USP37: variants seen among roughly 807,000 people sequenced by gnomAD.
The protein encoded by USP37 is ubiquitin specific peptidase 37.
In USP37, 27 loss-of-function variants were observed where a neutral mutation model predicts 124.0. The observed-to-expected ratio is 0.22, with a 90% CI of 0.16 to 0.30. The LOEUF is 0.30. USP37 is among the 10% of genes least tolerant of loss of function. The pLI is 1.00. For synonymous variants in USP37, 365 were observed against 388.0 expected, an observed-to-expected ratio of 0.94 and a Z score of 0.70; for missense variants, 889 against 1,140.4, an observed-to-expected ratio of 0.78 and a Z score of 3.17.
In USP37 at chr2:218,547,020, A is replaced by G; in HGVS notation, c.501T>C (p.Gly167=). ...IPFRKVLGNP[G]RGSIKTVAGS... is the part of the protein sequence containing the mutation. ...CTGCTACAGTCTTAATCGATCCTCT[A>G]CCCGGATTACCAAGAACTTTTCGAA... The change falls in exon 7 of 26, where the codon GGT becomes GGC. Residue 167 remains glycine (G), a synonymous_variant. Coordinates refer to ENST00000258399, the MANE Select transcript of USP37 (RefSeq NM_020935.3). 1 of 1,612,734 alleles carries G rather than the reference A, an allele frequency of 6.2e-7. No homozygotes were observed. Among genetic ancestry groups the G allele is most frequent in the Non-Finnish European group, 8.5e-7 (1 of 1,179,718 alleles).
intron 14 of USP37, among the ~76,000 whole-genome samples, chr2:218,490,394 T>C (rs796976745): frequency 3.9e-5 from 6 of 152,338 alleles, no homozygotes; most frequent in African/African-American, 1.4e-4. Flanking sequence ...ATACTTCTAT[T>C]AGGCAGCAGA....
chr2:218,481,725 C>A (rs1258443892), intron 17 of USP37, among the ~76,000 whole-genome samples: 1 of 149,748 alleles, frequency 6.7e-6, no homozygotes, highest in Non-Finnish European at 1.5e-5. Flanking sequence ...CTCTGATCAC[C>A]ATTCACTGCA....
chr2:218,466,290 G>T, intron 20 of USP37, 114 bp from the exon 21 acceptor site: 1 of 1,183,248 alleles, frequency 8.5e-7, no homozygotes, highest in Non-Finnish European at 1.2e-6. Flanking sequence ...TCTATAATTT[G>T]CTTAGGACAT....
chr2:218,477,699 CAG>C (rs144340205), intron 18 of USP37, among the ~76,000 whole-genome samples: 403 of 152,298 alleles, frequency 2.6e-3, no homozygotes, highest in African/African-American at 9.3e-3. Context: ...TATTGAAACA[CAG>C]TGCAATAATT....
intron 15 of USP37, among the ~76,000 whole-genome samples, 184 bp downstream of exon 15, chr2:218,488,120 G>A (rs1251131910): frequency 6.9e-6 from 1 of 145,110 alleles, no homozygotes; most frequent in Non-Finnish European, 1.5e-5. Context: ...AGGTTGCAGT[G>A]AGCTGAGATT....
At chr2:218,539,730 G>A (rs1691871149) in intron 8 of USP37, among the ~76,000 whole-genome samples, 1 of 151,976 alleles carries the variant, frequency 6.6e-6, no homozygotes, top group Admixed American at 6.6e-5. Flanking sequence ...TAAAAAACCT[G>A]GCCGGGCGCA....
intron 11 of USP37, among the ~76,000 whole-genome samples, chr2:218,508,698 C>T (rs1201617235): frequency 2.6e-5 from 4 of 152,072 alleles, no homozygotes; most frequent in African/African-American, 9.7e-5. Flanking sequence ...GGAAATTAAG[C>T]ATTTGACTGG....
intron 1 of USP37, among the ~76,000 whole-genome samples, chr2:218,567,412 A>G (rs1038198075): frequency 3.3e-5 from 5 of 152,146 alleles, no homozygotes; most frequent in African/African-American, 7.2e-5. Context: ...TTCAATTACT[A>G]TCAATATGGC....
intron 9 of USP37, among the ~76,000 whole-genome samples, chr2:218,531,933 AAAG>A (rs1691348841): frequency 6.6e-6 from 1 of 152,262 alleles, no homozygotes; most frequent in Admixed American, 6.5e-5. Context: ...ATGAGCAAAG[AAAG>A]AAGTCTCCTG....
chr2:218,514,952 T>C (rs1014028296), intron 10 of USP37, among the ~76,000 whole-genome samples: 25 of 152,194 alleles, frequency 1.6e-4, no homozygotes, highest in Non-Finnish European at 3.1e-4. Context: ...GTTTGGGCCA[T>C]TGGTAACCCT....
chr2:218,452,208 G>A lies in USP37; in HGVS notation c.*2722C>T, dbSNP rs1224710276. On this transcript the variant is annotated 3_prime_UTR_variant, in exon 26 of 26. Coordinates refer to ENST00000258399, the MANE Select transcript of USP37 (RefSeq NM_020935.3). ...CCAATTCAATGTCATTTAAAGTAAT[G>A]TAACCACACATTTGGTATTTTCAAT... 2 of 152,030 alleles carry A rather than the reference G, an allele frequency of 1.3e-5. No homozygotes were observed. Among genetic ancestry groups the A allele is most frequent in the African/African-American group, 4.8e-5 (2 of 41,386 alleles). The allele number at this position is 152,030 out of a possible 1,614,324, so 9.4% of individuals were successfully genotyped here. A position where few individuals can be genotyped will look rare whatever the true frequency, so the allele number is the denominator to read the frequency against.
chr2:218,467,381 C>T (rs1346981414), intron 20 of USP37, among the ~76,000 whole-genome samples: 1 of 151,372 alleles, frequency 6.6e-6, no homozygotes, highest in Non-Finnish European at 1.5e-5. Flanking sequence ...TGGAGTTTCG[C>T]TCTGTTGCTC....
chr2:218,528,734 G>A (rs982418507), intron 10 of USP37: 35 of 377,688 alleles, frequency 9.3e-5, no homozygotes, highest in African/African-American at 7.6e-4. Context: ...CTTCTGTGCT[G>A]CACTGCATGA....
At chr2:218,535,249 A>C (rs1375244377) in intron 8 of USP37, among the ~76,000 whole-genome samples, 1 of 151,730 alleles carries the variant, frequency 6.6e-6, no homozygotes, top group African/African-American at 2.4e-5. Flanking sequence ...CTGTAGTCCC[A>C]GCTACTCGGG....
intron 22 of USP37, among the ~76,000 whole-genome samples, chr2:218,462,929 G>A (rs1185885370): frequency 6.6e-6 from 1 of 152,166 alleles, no homozygotes; most frequent in South Asian, 2.1e-4. Context: ...CACTTTGGGA[G>A]GCTGAGGAGG....
At chr2:218,498,980 TA>T (rs766359956) in intron 11 of USP37, among the ~76,000 whole-genome samples, 23 of 152,164 alleles carry the variant, frequency 1.5e-4, no homozygotes, top group Non-Finnish European at 2.9e-4. Context: ...AAATATATTT[TA>T]AAAACTTTTT....
At chr2:218,541,082 T>C (rs2106036792) in intron 8 of USP37, among the ~76,000 whole-genome samples, 1 of 152,246 alleles carries the variant, frequency 6.6e-6, no homozygotes, top group East Asian at 1.9e-4. Context: ...AATATATGGG[T>C]CCAGCAACCA....
chr2:218,544,129 C>G (rs978008120), intron 8 of USP37, among the ~76,000 whole-genome samples: 1 of 151,862 alleles, frequency 6.6e-6, no homozygotes, highest in Non-Finnish European at 1.5e-5. Context: ...CCTATAATCC[C>G]AGCACTTTGG....
At chr2:218,530,564 G>C (rs1691268161) in intron 9 of USP37, among the ~76,000 whole-genome samples, 1 of 151,964 alleles carries the variant, frequency 6.6e-6, no homozygotes, top group South Asian at 2.1e-4. Flanking sequence ...TTGAAATTAG[G>C]ATAATTAATA....
Sources: gnomAD v4.1 joint callset for allele counts (sites outside exome capture counted in the v4.1 genomes callset) on GRCh38, gnomAD v4.1.1 for gene constraint, MANE v1.5 for transcripts, NCBI Gene and HGNC (gene_info 2026-07-23, HGNC 2026-07-21) for gene names.